GRIK4: variants seen among roughly 807,000 people sequenced by gnomAD.
The protein encoded by GRIK4 is glutamate receptor ionotropic, kainate 4.
GRIK4 carries 40 observed loss-of-function variants against 104.9 expected under a neutral mutation model. The ratio of observed to expected loss-of-function variants is 0.38; its 90% CI spans 0.30 to 0.50. GRIK4 has a LOEUF of 0.50. GRIK4 is among the 20% of genes least tolerant of loss of function. The pLI is 0.93. For missense variants in GRIK4, 1,047 were observed against 1,308.1 expected, an observed-to-expected ratio of 0.80 and a Z score of 3.08; for synonymous variants, 485 against 524.9, an observed-to-expected ratio of 0.92 and a Z score of 1.04.
At chr11:120,806,461 G>C (rs1221828408) in intron 4 of GRIK4, among the ~76,000 whole-genome samples, 2 of 152,134 alleles carry the variant, frequency 1.3e-5, no homozygotes, top group East Asian at 3.9e-4. Flanking sequence ...GGGCTAATTT[G>C]CATCATTAAT....
At chr11:120,577,459 CTCGGGGGGT>C (rs1948500010) in intron 1 of GRIK4, among the ~76,000 whole-genome samples, 1 of 152,078 alleles carries the variant, frequency 6.6e-6, no homozygotes, top group Non-Finnish European at 1.5e-5. Context: ...CAGACACCAT[CTCGGGGGGT>C]TCGTCTTTTC....
At chr11:120,596,982 C>T (rs1948810155) in intron 1 of GRIK4, among the ~76,000 whole-genome samples, 1 of 152,204 alleles carries the variant, frequency 6.6e-6, no homozygotes, top group Non-Finnish European at 1.5e-5. Flanking sequence ...GCCTCGGCCT[C>T]CCAAAGTGCT....
chr11:120,924,524 T>C (rs1370321907), intron 13 of GRIK4, among the ~76,000 whole-genome samples: 2 of 152,124 alleles, frequency 1.3e-5, no homozygotes, highest in African/African-American at 2.4e-5. Context: ...GATCAATCAC[T>C]GTCCGGATCA....
At chr11:120,825,246 T>C (rs1288629213) in intron 6 of GRIK4, among the ~76,000 whole-genome samples, 1 of 152,158 alleles carries the variant, frequency 6.6e-6, no homozygotes, top group Non-Finnish European at 1.5e-5. Flanking sequence ...TATTTTAATG[T>C]CCTTTTTGTG....
At chr11:120,775,703 C>G (rs1487909499) in intron 3 of GRIK4, among the ~76,000 whole-genome samples, 1 of 152,234 alleles carries the variant, frequency 6.6e-6, no homozygotes, top group Non-Finnish European at 1.5e-5. Flanking sequence ...CCGGCACTTT[C>G]TTTGCAGTTT....
rs1031523118 is a variant in GRIK4, at chr11:120,814,549, G to A, written c.248-829G>A. On this transcript the variant is annotated intron_variant, in intron 4 of 20. Coordinates refer to ENST00000527524, the MANE Select transcript of GRIK4 (RefSeq NM_014619.5). ...GCGGAGGTTGCAGTGAGCCGAGATC[G>A]CACCACACCACTGCACTCCAACCTG... Among the ~76,000 whole-genome samples, 10 of 152,098 alleles carry A rather than the reference G, an allele frequency of 6.6e-5. No individual in the cohort carries two copies. In the South Asian group the frequency reaches 1.0e-3, roughly 16 times the overall value.
At chr11:120,837,254 C>T (rs1953597364) in intron 8 of GRIK4, among the ~76,000 whole-genome samples, 1 of 152,168 alleles carries the variant, frequency 6.6e-6, no homozygotes, top group Admixed American at 6.5e-5. Flanking sequence ...TGTTCTTTTC[C>T]AGCTGTCGGT....
intron 3 of GRIK4, among the ~76,000 whole-genome samples, chr11:120,761,043 A>G (rs1340909259): frequency 2.6e-5 from 4 of 152,162 alleles, no homozygotes; most frequent in African/African-American, 9.7e-5. Context: ...ACAATGGTTG[A>G]ACTAATTTAG....
intron 3 of GRIK4, among the ~76,000 whole-genome samples, chr11:120,784,001 G>A (rs1472715892): frequency 6.6e-6 from 1 of 152,158 alleles, no homozygotes; most frequent in Non-Finnish European, 1.5e-5. Flanking sequence ...GAGGGGACAG[G>A]GAGCGAGGCA....
At chr11:120,565,603 A>T (rs574207318) in intron 1 of GRIK4, among the ~76,000 whole-genome samples, 3 of 152,234 alleles carry the variant, frequency 2.0e-5, no homozygotes, top group Non-Finnish European at 4.4e-5. Context: ...TGTACGAGGT[A>T]CAACAGAACA....
chr11:120,986,142 A>T lies in GRIK4; in HGVS notation c.2753A>T (p.His918Leu). Residue 918 changes from histidine to leucine, a missense_variant, in exon 21 of 21, where the codon CAC becomes CTC. His to Leu is a moderately conservative substitution (Grantham distance 99). This residue lies in a region of GRIK4 where 160 missense variants were observed against 140.9 expected (regional missense o/e 1.14). Transcript: ENST00000527524. ...EAALVARGCT[H>L]IRVCPECRRF... The stretch of plus-strand genomic sequence containing the variant: ...GCCCTGGTGGCCCGCGGCTGCACGC[A>T]CATCCGCGTCTGCCCCGAGTGCCGC... 1 of 1,532,394 alleles carries T rather than the reference A, an allele frequency of 6.5e-7. No individual in the cohort carries two copies. Among genetic ancestry groups the T allele is most frequent in the Non-Finnish European group, 8.7e-7 (1 of 1,148,654 alleles). 94.9% of individuals were successfully genotyped at this position (1,532,394 alleles called of 1,614,324 possible). A position where few individuals can be genotyped will look rare whatever the true frequency, so the allele number is the denominator to read the frequency against.
chr11:120,808,449 G>A (rs538951332), intron 4 of GRIK4, among the ~76,000 whole-genome samples: 2 of 152,346 alleles, frequency 1.3e-5, no homozygotes, highest in East Asian at 1.9e-4. Flanking sequence ...GAAAGCCCCA[G>A]TAAATGGTAT....
chr11:120,650,337 G>C (rs1249514247), intron 1 of GRIK4, among the ~76,000 whole-genome samples: 3 of 152,184 alleles, frequency 2.0e-5, no homozygotes, highest in Non-Finnish European at 4.4e-5. Flanking sequence ...GAGGGAGACT[G>C]GAAATCAACA....
At chr11:120,603,409 A>G (rs1449977477) in intron 1 of GRIK4, among the ~76,000 whole-genome samples, 1 of 152,236 alleles carries the variant, frequency 6.6e-6, no homozygotes, top group East Asian at 1.9e-4. Context: ...GAAGTCAGCA[A>G]ACACTACAAA....
intron 3 of GRIK4, among the ~76,000 whole-genome samples, chr11:120,794,167 A>G (rs1469298574): frequency 6.9e-6 from 1 of 144,782 alleles, no homozygotes; most frequent in East Asian, 2.1e-4. Flanking sequence ...GGTGATGGTT[A>G]CAGGTGAGGG....
At chr11:120,768,633 A>G (rs943467925) in intron 3 of GRIK4, among the ~76,000 whole-genome samples, 1 of 152,220 alleles carries the variant, frequency 6.6e-6, no homozygotes, top group Non-Finnish European at 1.5e-5. Flanking sequence ...CTTAGTAGAA[A>G]AGCTTTCAGT....
chr11:120,783,004 A>C (rs1288554319), intron 3 of GRIK4, among the ~76,000 whole-genome samples: 1 of 152,148 alleles, frequency 6.6e-6, no homozygotes, highest in Non-Finnish European at 1.5e-5. Flanking sequence ...CTGGTGACCT[A>C]ACTACCTCTT....
intron 1 of GRIK4, among the ~76,000 whole-genome samples, chr11:120,631,605 G>T (rs1949334479): frequency 6.6e-6 from 1 of 152,300 alleles, no homozygotes; most frequent in Middle Eastern, 3.4e-3. Context: ...AGTGAGAGGG[G>T]ACAGAGGCCT....
chr11:120,875,989 A>C (rs1204288336), intron 11 of GRIK4, among the ~76,000 whole-genome samples: 1 of 152,024 alleles, frequency 6.6e-6, no homozygotes, highest in African/African-American at 2.4e-5. Context: ...GTAGGAAGCC[A>C]AGCACTAAAT....
Sources: allele counts gnomAD v4.1 joint callset (sites outside exome capture counted in the v4.1 genomes callset), GRCh38; gene constraint gnomAD v4.1.1; regional missense constraint gnomAD v4.1.1; transcripts MANE v1.5; gene names NCBI Gene and HGNC (gene_info 2026-07-23, HGNC 2026-07-21).